HPSE2: variants seen among roughly 807,000 people sequenced by gnomAD.
The protein encoded by HPSE2 is heparanase 2 (inactive).
In HPSE2, 38 loss-of-function variants were observed where a neutral mutation model predicts 60.5. The ratio of observed to expected loss-of-function variants is 0.63; its 90% confidence interval spans 0.48 to 0.82. The LOEUF is 0.82. Ranked by LOEUF, HPSE2 falls within the 40% of genes least tolerant of loss-of-function variation. The pLI is 0.00. For missense variants in HPSE2, 713 were observed against 740.4 expected (o/e 0.96, Z 0.43); for synonymous variants, 295 against 293.2 (o/e 1.01, Z -0.06).
At chr10:99,138,880 T>C (rs943585766) in intron 3 of HPSE2, among the ~76,000 whole-genome samples, 2 of 152,056 alleles carry the variant, frequency 1.3e-5, no homozygotes, top group South Asian at 4.1e-4. Flanking sequence ...ACCCCAGAAA[T>C]TAATCATTTT....
chr10:98,893,743 C>A (rs1953404496), intron 3 of HPSE2, among the ~76,000 whole-genome samples: 1 of 152,026 alleles, frequency 6.6e-6, no homozygotes, highest in Non-Finnish European at 1.5e-5. Flanking sequence ...GCCAAAAGTC[C>A]TGGGAACATC....
chr10:99,182,928 T>G lies in HPSE2; in HGVS notation c.449-38529A>C, dbSNP rs183889976. ...GGAGAATGGCGTGAACCCGGGAGGCTGAGCTTGCAGTGAGCAGAGATCACG... is the reference window on the plus strand; with the variant it reads ...GGAGAATGGCGTGAACCCGGGAGGCGGAGCTTGCAGTGAGCAGAGATCACG... On this transcript the variant is annotated intron_variant, in intron 2 of 11. Coordinates refer to ENST00000370552, the MANE Select transcript of HPSE2 (RefSeq NM_021828.5). Among the ~76,000 whole-genome samples the G allele has an allele frequency of 2.2e-3, 331 of 151,884 alleles. 1 individual carries two copies. The highest frequency in any genetic ancestry group is 7.5e-3 in the African/African-American group (311 of 41,400).
chr10:98,812,522 G>A (rs1951192235), intron 3 of HPSE2, among the ~76,000 whole-genome samples: 1 of 152,176 alleles, frequency 6.6e-6, no homozygotes, highest in Non-Finnish European at 1.5e-5. Flanking sequence ...TATATTCTAT[G>A]CTCTGTAAAG....
At chr10:99,188,103 C>A (rs1241762318) in intron 2 of HPSE2, among the ~76,000 whole-genome samples, 1 of 152,160 alleles carries the variant, frequency 6.6e-6, no homozygotes, top group Non-Finnish European at 1.5e-5. Context: ...ACGATGGGTC[C>A]TCCAATCCCC....
At chr10:99,088,456 T>C (rs1021007425) in intron 3 of HPSE2, among the ~76,000 whole-genome samples, 2 of 152,194 alleles carry the variant, frequency 1.3e-5, no homozygotes, top group African/African-American at 4.8e-5. Flanking sequence ...AACATAACGT[T>C]TGGTTTTCCA....
intron 3 of HPSE2, among the ~76,000 whole-genome samples, chr10:99,115,651 TAC>T (rs1844659288): frequency 1.3e-5 from 2 of 152,268 alleles, no homozygotes; most frequent in Non-Finnish European, 2.9e-5. Flanking sequence ...GTACAATACG[TAC>T]AGTTTTTGTA....
At chr10:98,686,058 C>T (rs1447079473) in intron 6 of HPSE2, among the ~76,000 whole-genome samples, 3 of 152,072 alleles carry the variant, frequency 2.0e-5, no homozygotes, top group Non-Finnish European at 4.4e-5. Context: ...TTCTCTGTTT[C>T]TCTGTCTAGG....
chr10:98,852,501 G>A (rs949042720), intron 3 of HPSE2, among the ~76,000 whole-genome samples: 1 of 152,094 alleles, frequency 6.6e-6, no homozygotes, highest in Admixed American at 6.5e-5. Flanking sequence ...CACTGTACCT[G>A]GCTTAAGACT....
chr10:98,729,687 T>C (rs1234146061), intron 4 of HPSE2, among the ~76,000 whole-genome samples: 1 of 152,022 alleles, frequency 6.6e-6, no homozygotes, highest in East Asian at 1.9e-4. Flanking sequence ...GAAATAACTA[T>C]ACTAATATCA....
intron 9 of HPSE2, among the ~76,000 whole-genome samples, chr10:98,577,392 C>T (rs887013321): frequency 2.0e-5 from 3 of 152,092 alleles, no homozygotes; most frequent in Non-Finnish European, 4.4e-5. Context: ...AAGACTCATC[C>T]TGTGTAAACT....
At chr10:98,878,731 T>C (rs1952941682) in intron 3 of HPSE2, among the ~76,000 whole-genome samples, 1 of 152,012 alleles carries the variant, frequency 6.6e-6, no homozygotes, top group Non-Finnish European at 1.5e-5. Context: ...AAGCCACTGA[T>C]GTTTTTTAAA....
chr10:98,700,253 G>T (rs79014557), intron 5 of HPSE2, among the ~76,000 whole-genome samples: 116,839 of 145,098 alleles, frequency 0.81, 47,522 homozygotes, highest in East Asian at 0.99. Context: ...ATACTACAAG[G>T]CTACAGTAAC....
chr10:99,087,399 C>G (rs1468179102), intron 3 of HPSE2, among the ~76,000 whole-genome samples: 5 of 152,264 alleles, frequency 3.3e-5, no homozygotes, highest in Middle Eastern at 3.4e-3. Context: ...CAGATCCTGC[C>G]CTTGGATACA....
At chr10:98,858,224 G>C (rs1952365364) in intron 3 of HPSE2, among the ~76,000 whole-genome samples, 3 of 152,204 alleles carry the variant, frequency 2.0e-5, no homozygotes, top group Middle Eastern at 3.4e-3. Context: ...ATGAAATTTG[G>C]TTTTCCAACT....
At chr10:98,668,143 A>G (rs1947416439) in intron 6 of HPSE2, among the ~76,000 whole-genome samples, 1 of 152,198 alleles carries the variant, frequency 6.6e-6, no homozygotes, top group Non-Finnish European at 1.5e-5. Flanking sequence ...TGAAAGCCAA[A>G]TCAAGAACAC....
intron 3 of HPSE2, among the ~76,000 whole-genome samples, chr10:99,073,059 C>T (rs560725445): frequency 1.7e-4 from 25 of 151,154 alleles, no homozygotes; most frequent in Non-Finnish European, 2.6e-4. Flanking sequence ...TTGTTGAAGA[C>T]GATGTGGCAA....
At chr10:98,495,536 C>G (rs935611186) in intron 9 of HPSE2, among the ~76,000 whole-genome samples, 1 of 152,066 alleles carries the variant, frequency 6.6e-6, no homozygotes, top group Non-Finnish European at 1.5e-5. Context: ...AATGGTGTCC[C>G]CCAGGTCCCT....
At chr10:98,568,977 T>G (rs141768940) in intron 9 of HPSE2, among the ~76,000 whole-genome samples, 1 of 152,170 alleles carries the variant, frequency 6.6e-6, no homozygotes, top group African/African-American at 2.4e-5. Flanking sequence ...TCTGTGAATA[T>G]ACTAAAAACC....
chr10:98,636,968 T>A (rs1464819319), intron 7 of HPSE2, among the ~76,000 whole-genome samples: 1 of 152,204 alleles, frequency 6.6e-6, no homozygotes, highest in Non-Finnish European at 1.5e-5. Context: ...CTGCACTGTG[T>A]CCTGAACTTT....
Sources: allele counts gnomAD v4.1 joint callset (sites outside exome capture counted in the v4.1 genomes callset), GRCh38; gene constraint gnomAD v4.1.1; transcripts MANE v1.5; gene names NCBI Gene and HGNC (gene_info 2026-07-23, HGNC 2026-07-21).